Variants in LPP observed in about 807,000 individuals in gnomAD.
The protein encoded by LPP is lipoma-preferred partner.
LPP carries 38 observed loss-of-function variants against 60.4 expected under a neutral mutation model. That is an observed-to-expected ratio of 0.63 (90% CI 0.49 to 0.83). The LOEUF (loss-of-function observed/expected upper bound fraction) is 0.83, where lower values mean the gene tolerates loss of function less well. Ranked by LOEUF, LPP falls within the 40% of genes least tolerant of loss-of-function variation. The pLI is 0.00. For missense variants in LPP, 902 were observed against 783.6 expected, an observed-to-expected ratio of 1.15 and a Z score of -1.80; for synonymous variants, 328 against 290.8, an observed-to-expected ratio of 1.13 and a Z score of -1.30.
chr3:188,581,022 G>C (rs1835955880), intron 6 of LPP, among the ~76,000 whole-genome samples: 1 of 151,950 alleles, frequency 6.6e-6, no homozygotes, highest in African/African-American at 2.4e-5. Context: ...CTGATTAGAG[G>C]CTTTAATCAC....
chr3:188,850,029 T>C lies in LPP; in HGVS notation c.1411-16171T>C, dbSNP rs570552813. Among the ~76,000 whole-genome samples, 22 of 152,338 alleles carry C rather than the reference T, an allele frequency of 1.4e-4. No individual in the cohort carries two copies. In the South Asian group the frequency reaches 4.6e-3, roughly 32 times the overall value. ...CACAATCAGAGAACTTTTTAAAAGT[T>C]ATGGATGCCTGAGCCCCAGCCCCAG... is the stretch of plus-strand genomic sequence containing the variant. On this transcript the variant is annotated intron_variant, in intron 9 of 11. Transcript: ENST00000617246.
rs553483263 is a variant in LPP at position 188,334,279 on chromosome 3, A to G, written c.-66-7384A>G. 2.0e-5 allele frequency among the ~76,000 whole-genome samples: 3 copies of G among 152,058 alleles called. No homozygotes were observed. The East Asian group carries it at 5.8e-4, about 29-fold the overall frequency. On this transcript the variant is annotated intron_variant, in intron 2 of 11. Coordinates refer to ENST00000617246, the MANE Select transcript of LPP (RefSeq NM_001375462.1). The stretch of plus-strand genomic sequence containing the variant: ...TTTGCCTGTTTATCTGTTGATGGAT[A>G]CTTAGATTGATTCCTTATCTTGGCT...
At chr3:188,382,103 A>T (rs879420383) in intron 3 of LPP, among the ~76,000 whole-genome samples, 1 of 152,090 alleles carries the variant, frequency 6.6e-6, no homozygotes, top group Non-Finnish European at 1.5e-5. Flanking sequence ...ATGTTTGAAG[A>T]TAGAGAAAAA....
At chr3:188,761,624 A>C (rs978407890) in intron 9 of LPP, among the ~76,000 whole-genome samples, 8 of 152,202 alleles carry the variant, frequency 5.3e-5, no homozygotes, top group Admixed American at 2.0e-4. Context: ...TGTCAGAACC[A>C]AGGCTGCATT....
At chr3:188,404,953 C>T (rs1209549100) in intron 3 of LPP, among the ~76,000 whole-genome samples, 1 of 152,110 alleles carries the variant, frequency 6.6e-6, no homozygotes, top group African/African-American at 2.4e-5. Context: ...GATTGGCTTA[C>T]CCTGACAGAG....
intron 3 of LPP, among the ~76,000 whole-genome samples, chr3:188,392,200 A>G (rs1277175438): frequency 6.6e-6 from 1 of 152,222 alleles, no homozygotes; most frequent in African/African-American, 2.4e-5. Context: ...ATATAACAGA[A>G]TGGACTGCAA....
chr3:188,617,242 A>G (rs1160038959), intron 7 of LPP, among the ~76,000 whole-genome samples: 2 of 152,198 alleles, frequency 1.3e-5, no homozygotes, highest in African/African-American at 4.8e-5. Flanking sequence ...AACCCCTTAC[A>G]TTTACAGATG....
chr3:188,159,965 T>G (rs942339787), intron 1 of LPP, among the ~76,000 whole-genome samples: 21 of 152,220 alleles, frequency 1.4e-4, no homozygotes, highest in African/African-American at 5.1e-4. Context: ...CAAGCTGGAG[T>G]GCAGTGGCGC....
intron 7 of LPP, among the ~76,000 whole-genome samples, chr3:188,674,904 C>G (rs909615079): frequency 6.6e-6 from 1 of 152,190 alleles, no homozygotes; most frequent in African/African-American, 2.4e-5. Flanking sequence ...TTTATTATCA[C>G]AGGACATGCA....
In LPP at chr3:188,601,218, G is replaced by C. The variant is rs528028610; in HGVS notation, c.430-7943G>C. Among the ~76,000 whole-genome samples, 4 of 152,036 alleles carry C rather than the reference G, an allele frequency of 2.6e-5. No homozygotes were observed. In the East Asian group the frequency reaches 7.7e-4, roughly 29 times the overall value. On this transcript the variant is annotated intron_variant, in intron 6 of 11. Coordinates refer to ENST00000617246, the MANE Select transcript of LPP (RefSeq NM_001375462.1). ...TAGTATTCTATTATATGACTATACT[G>C]TAATGTATATAAACAATCCTCATGT...
At chr3:188,227,546 C>A (rs1176247612) in intron 2 of LPP, among the ~76,000 whole-genome samples, 1 of 152,014 alleles carries the variant, frequency 6.6e-6, no homozygotes, top group Admixed American at 6.6e-5. Context: ...TAGAGTATGG[C>A]ATCTAGAACA....
In LPP at chr3:188,721,503, G is replaced by A. The variant is rs7651680; in HGVS notation, c.1240+13110G>A. Among the ~76,000 whole-genome samples, 1,242 of 152,240 alleles carry A rather than the reference G, an allele frequency of 8.2e-3. 26 individuals carry two copies. Among genetic ancestry groups the A allele is most frequent in the African/African-American group, 0.029 (1,202 of 41,538 alleles). On this transcript the variant is annotated intron_variant, in intron 8 of 11. Transcript: ENST00000617246. ...CTGGAGGTCAACGGTGCAGTGAGCC[G>A]TGATTGCACCACCGCACTCCAGCCT... is the stretch of plus-strand genomic sequence containing the variant.
At chr3:188,601,327 C>G (rs1310594695) in intron 6 of LPP, among the ~76,000 whole-genome samples, 1 of 152,068 alleles carries the variant, frequency 6.6e-6, no homozygotes, top group Non-Finnish European at 1.5e-5. Flanking sequence ...AACATTTATG[C>G]TCTCTGGTCA....
intron 4 of LPP, among the ~76,000 whole-genome samples, chr3:188,469,248 G>A (rs1271172959): frequency 6.6e-6 from 1 of 152,088 alleles, no homozygotes; most frequent in Non-Finnish European, 1.5e-5. Flanking sequence ...GCAGATGTGG[G>A]ACTGTGTGTT....
chr3:188,688,857 G>A (rs770136379), intron 7 of LPP: 1 of 522,030 alleles, frequency 1.9e-6, no homozygotes, highest in South Asian at 1.4e-5. Flanking sequence ...GCTCCTGGAG[G>A]GCAGGCACTT....
chr3:188,549,394 G>T (rs1466428522), intron 6 of LPP, among the ~76,000 whole-genome samples: 1 of 117,068 alleles, frequency 8.5e-6, no homozygotes, highest in Non-Finnish European at 1.9e-5. Context: ...TCTCTATTTT[G>T]TGTGTTTGTT....
intron 1 of LPP, chr3:188,178,593 C>T (rs1019349618): frequency 2.0e-5 from 3 of 152,288 alleles, no homozygotes; most frequent in East Asian, 1.9e-4. Context: ...GTTCTCTTAA[C>T]TTCAGGTCAC....
At chr3:188,690,887 C>T (rs1861976721) in intron 7 of LPP, among the ~76,000 whole-genome samples, 3 of 152,126 alleles carry the variant, frequency 2.0e-5, no homozygotes, top group African/African-American at 7.2e-5. Context: ...GAACATTCAT[C>T]TAGTATAATC....
intron 2 of LPP, among the ~76,000 whole-genome samples, chr3:188,250,770 C>CT: frequency 9.1e-6 from 1 of 109,804 alleles, no homozygotes; most frequent in Non-Finnish European, 1.8e-5. Context: ...TTCTTTCTTT[C>CT]TTTCTTTCTT....
Sources: gnomAD v4.1 joint callset for allele counts (sites outside exome capture counted in the v4.1 genomes callset) on GRCh38, gnomAD v4.1.1 for gene constraint, MANE v1.5 for transcripts, NCBI Gene and HGNC (gene_info 2026-07-23, HGNC 2026-07-21) for gene names.